The following TRABD2B variants were observed in gnomAD, a reference collection of about 807,000 sequenced individuals.
TRABD2B encodes metalloprotease TIKI2.
TRABD2B carries 14 observed loss-of-function variants against 40.1 expected under a neutral mutation model. That is an observed-to-expected ratio of 0.35 (90% CI 0.23 to 0.55). TRABD2B has a LOEUF of 0.55. TRABD2B is among the 20% of genes least tolerant of loss of function. The pLI is 0.90. For missense variants in TRABD2B, 541 were observed against 648.6 expected, an observed-to-expected ratio of 0.83 and a Z score of 1.80; for synonymous variants, 263 against 277.0, an observed-to-expected ratio of 0.95 and a Z score of 0.50.
At chr1:47,962,558 A>C (rs948209059) in intron 2 of TRABD2B, among the ~76,000 whole-genome samples, 2 of 152,152 alleles carry the variant, frequency 1.3e-5, no homozygotes, top group Admixed American at 1.3e-4. Flanking sequence ...CAGCATGAAC[A>C]ACAGCTAATG....
At chr1:47,798,098 G>T (rs2124252051) in intron 3 of TRABD2B, among the ~76,000 whole-genome samples, 1 of 152,258 alleles carries the variant, frequency 6.6e-6, no homozygotes, top group East Asian at 1.9e-4. Context: ...TCCTCAGACT[G>T]GGTCTGCTCC....
At chr1:47,776,756 T>C (rs986201921) in intron 5 of TRABD2B, among the ~76,000 whole-genome samples, 1 of 152,096 alleles carries the variant, frequency 6.6e-6, no homozygotes, top group African/African-American at 2.4e-5. Flanking sequence ...CCCAGCCCAC[T>C]CTCACACGGC....
In TRABD2B at chr1:47,769,866, C is replaced by G. The variant is rs115538939; in HGVS notation, c.1350-3760G>C. ...TGCTATCCTCTAGACCTCGGTTTCC[C>G]CATCAACACAATGAACAGGAACAGA... On this transcript the variant is annotated intron_variant, in intron 6 of 6. Transcript: ENST00000606738. Among the ~76,000 whole-genome samples the G allele has an allele frequency of 6.4e-3, 973 of 152,260 alleles. 9 individuals carry two copies. Among genetic ancestry groups the G allele is most frequent in the African/African-American group, 0.022 (923 of 41,560 alleles).
chr1:47,840,086 G>A (rs1420243396), intron 2 of TRABD2B, among the ~76,000 whole-genome samples: 1 of 152,142 alleles, frequency 6.6e-6, no homozygotes, highest in Non-Finnish European at 1.5e-5. Flanking sequence ...GAGAGTCTGG[G>A]TTTGCTGAGT....
At chr1:47,955,396 T>G (rs1409559716) in intron 2 of TRABD2B, among the ~76,000 whole-genome samples, 1 of 152,164 alleles carries the variant, frequency 6.6e-6, no homozygotes, top group Non-Finnish European at 1.5e-5. Flanking sequence ...CACCATCTGA[T>G]CCATTATCCT....
chr1:47,979,060 A>AGGCTGAGAAGGCTCTCAGTG (rs1645802490), intron 2 of TRABD2B, among the ~76,000 whole-genome samples: 2 of 152,052 alleles, frequency 1.3e-5, no homozygotes, highest in African/African-American at 2.4e-5. Context: ...TCAGAGCACG[A>AGGCTGAGAAGGCTCTCAGTG]GGCTGAGAAG....
intron 2 of TRABD2B, among the ~76,000 whole-genome samples, chr1:47,895,872 G>A (rs980020832): frequency 5.3e-5 from 8 of 152,202 alleles, no homozygotes; most frequent in Middle Eastern, 3.2e-3. Context: ...CTGCCTCCTC[G>A]TACTAGTGTT....
chr1:47,827,148 C>T (rs564146384), intron 2 of TRABD2B, among the ~76,000 whole-genome samples: 5 of 152,334 alleles, frequency 3.3e-5, no homozygotes, highest in Admixed American at 2.0e-4. Flanking sequence ...ACTCTTTACT[C>T]CCTGTAATGC....
chr1:47,798,018 C>A (rs1003054474), intron 3 of TRABD2B, among the ~76,000 whole-genome samples: 3 of 152,138 alleles, frequency 2.0e-5, no homozygotes, highest in Non-Finnish European at 4.4e-5. Flanking sequence ...TGTAGCCCAT[C>A]CATCCAACAG....
intron 2 of TRABD2B, among the ~76,000 whole-genome samples, chr1:47,816,666 C>T (rs1645036378): frequency 1.3e-5 from 2 of 152,170 alleles, no homozygotes; most frequent in East Asian, 1.9e-4. Context: ...CACTCAGGGG[C>T]CCCTGTTTGA....
intron 4 of TRABD2B, among the ~76,000 whole-genome samples, chr1:47,792,020 T>C (rs748037525): frequency 1.6e-4 from 24 of 152,172 alleles, no homozygotes; most frequent in Admixed American, 2.6e-4. Context: ...TCTGTCCAGC[T>C]TGGAAATTCT....
intron 2 of TRABD2B, among the ~76,000 whole-genome samples, chr1:47,981,124 G>A (rs1236619197): frequency 2.0e-5 from 3 of 151,852 alleles, no homozygotes; most frequent in South Asian, 2.1e-4. Context: ...AGCAATTCTC[G>A]TACCTCAGCC....
chr1:47,868,647 G>A (rs1644094377), intron 2 of TRABD2B, among the ~76,000 whole-genome samples: 1 of 152,100 alleles, frequency 6.6e-6, no homozygotes, highest in South Asian at 2.1e-4. Flanking sequence ...GATGATCTGA[G>A]GTGAAACAAT....
chr1:47,822,296 C>T (rs1205489112), intron 2 of TRABD2B, among the ~76,000 whole-genome samples: 2 of 152,206 alleles, frequency 1.3e-5, no homozygotes, highest in Non-Finnish European at 2.9e-5. Flanking sequence ...AAAGAACTCT[C>T]CACCTTTCTA....
At position 47,994,793 on chromosome 1, in the gene TRABD2B, T is replaced by A. The variant is rs1008267416; in HGVS notation, c.103-196A>T. 6.6e-6 allele frequency among the ~76,000 whole-genome samples: 1 copy of A among 152,178 alleles called. No individual in the cohort carries two copies. The highest frequency in any genetic ancestry group is 1.5e-5 in the Non-Finnish European group (1 of 68,036). ...GCTTTGCCCTGTCTTAGATGTATGA[T>A]CTTGAGTGAATCATTTCACTTCCAC... On this transcript the variant is annotated intron_variant, in intron 1 of 6. Coordinates refer to ENST00000606738, the MANE Select transcript of TRABD2B (RefSeq NM_001194986.2). The surrounding 1 kb of genome is among the most constrained non-coding windows in gnomAD (Gnocchi z 6.7).
chr1:47,937,378 C>T (rs1219406351), intron 2 of TRABD2B, among the ~76,000 whole-genome samples: 4 of 151,166 alleles, frequency 2.6e-5, no homozygotes, highest in African/African-American at 7.3e-5. Context: ...ATCATCATCA[C>T]CATCACCATC....
rs185831963 is a variant in TRABD2B at position 47,881,593 on chromosome 1, G to A, written c.667-79974C>T. On this transcript the variant is annotated intron_variant, in intron 2 of 6. Transcript: ENST00000606738. ...AAAGGCACAGTTCTAGCAAAAGGCA[G>A]ATTCAGGAGCAGACTGAAGCTTTCT... 1.3e-4 allele frequency among the ~76,000 whole-genome samples: 20 copies of A among 152,346 alleles called. No homozygotes were observed. In the East Asian group the frequency reaches 3.9e-3, roughly 29 times the overall value.
chr1:47,871,690 A>G (rs1644143348), intron 2 of TRABD2B, among the ~76,000 whole-genome samples: 1 of 152,162 alleles, frequency 6.6e-6, no homozygotes, highest in Non-Finnish European at 1.5e-5. Flanking sequence ...CGAAGCCCTG[A>G]GAAGGCAGTG....
At chr1:47,865,784 G>A (rs1383848006) in intron 2 of TRABD2B, among the ~76,000 whole-genome samples, 1 of 152,008 alleles carries the variant, frequency 6.6e-6, no homozygotes, top group East Asian at 2.0e-4. Flanking sequence ...ACCAGACTAC[G>A]GCTCTTAGTC....
Sources: allele counts gnomAD v4.1 joint callset (sites outside exome capture counted in the v4.1 genomes callset), GRCh38; gene constraint gnomAD v4.1.1; non-coding constraint Gnocchi (gnomAD v3.1); transcripts MANE v1.5; gene names NCBI Gene and HGNC (gene_info 2026-07-23, HGNC 2026-07-21).